PREX1: variants seen among roughly 807,000 people sequenced by gnomAD.
PREX1 encodes phosphatidylinositol 3,4,5-trisphosphate-dependent Rac exchanger 1 protein.
A neutral mutation model predicts 198.3 loss-of-function variants in PREX1; 41 were observed. The observed-to-expected ratio is 0.21, with a 90% CI of 0.16 to 0.27. The LOEUF (loss-of-function observed/expected upper bound fraction) is 0.27, where lower values mean the gene tolerates loss of function less well. Ranked by LOEUF, PREX1 falls within the 10% of genes least tolerant of loss-of-function variation. The pLI is 1.00. For missense variants in PREX1, 1,620 were observed against 2,200.7 expected (o/e 0.74, Z 5.28); for synonymous variants, 843 against 887.2 (o/e 0.95, Z 0.89).
intron 6 of PREX1, among the ~76,000 whole-genome samples, chr20:48,703,177 CT>C (rs2089884336): frequency 6.6e-6 from 1 of 152,216 alleles, no homozygotes; most frequent in Non-Finnish European, 1.5e-5. Flanking sequence ...TCTCTCGCTG[CT>C]GTTAGGGCTG....
At chr20:48,828,000 G>A (rs2090518190), upstream of PREX1, 1 of 192,218 alleles carries the variant, frequency 5.2e-6, no homozygotes, top group Non-Finnish European at 9.3e-6. This position sits in a 1 kb window ranked among gnomAD's most constrained non-coding sequence, Gnocchi z 4.1. Context: ...GGGCGGGACT[G>A]GGGGCCGGGC....
chr20:48,858,901 A>ATTATT, the PREX1 span, among the ~76,000 whole-genome samples: 1 of 151,650 alleles, frequency 6.6e-6, no homozygotes, highest in Non-Finnish European at 1.5e-5. Context: ...ATTTTATTTT[A>ATTATT]TTATTTTATT....
chr20:48,865,635 C>T, the PREX1 span, among the ~76,000 whole-genome samples: 1 of 152,184 alleles, frequency 6.6e-6, no homozygotes, highest in Non-Finnish European at 1.5e-5. Flanking sequence ...CCTGGCATCC[C>T]AGTATTGGCC....
the PREX1 span, among the ~76,000 whole-genome samples, chr20:48,875,640 T>C: frequency 3.3e-5 from 5 of 152,252 alleles, no homozygotes; most frequent in Admixed American, 6.5e-5. Context: ...CTCAAAAGCG[T>C]GTTTCAAATA....
chr20:48,753,404 C>G (rs2090142731), intron 1 of PREX1, among the ~76,000 whole-genome samples: 1 of 152,022 alleles, frequency 6.6e-6, no homozygotes, highest in Admixed American at 6.5e-5. Context: ...ATTTTACCCC[C>G]TAGAAGACAT....
chr20:48,744,433 CT>C (rs2090098445), intron 3 of PREX1, among the ~76,000 whole-genome samples: 1 of 152,176 alleles, frequency 6.6e-6, no homozygotes, highest in Non-Finnish European at 1.5e-5. Flanking sequence ...AGCTTGGGTT[CT>C]TCTGTCTGTG....
Position 48,655,306 on chromosome 20 carries a change from G to T in PREX1, c.2193C>A (p.Val731=). The T allele has an allele frequency of 6.3e-7, 1 of 1,588,660 alleles. No homozygotes were observed. Among genetic ancestry groups the T allele is most frequent in the African/African-American group, 1.3e-5 (1 of 74,318 alleles). ...CCCACTCACCTCTCCCCACAGCATA[G>T]ACGTACGGTGGGGCAGCTCCACGAA... ...FQIRGAAPPY[V]YAVGRGSEAM... is the part of the protein sequence containing the mutation. Residue 731 remains valine, a synonymous_variant, in exon 19 of 40, where the codon GTC becomes GTA. Coordinates refer to ENST00000371941, the MANE Select transcript of PREX1 (RefSeq NM_020820.4).
the PREX1 span, among the ~76,000 whole-genome samples, chr20:48,877,354 T>G: frequency 2.0e-5 from 3 of 152,100 alleles, no homozygotes; most frequent in Non-Finnish European, 4.4e-5. Flanking sequence ...ACTTCAGGCA[T>G]GGATAGATCT....
chr20:48,862,790 A>AAAATATATATATATAT, the PREX1 span, among the ~76,000 whole-genome samples: 1 of 102,538 alleles, frequency 9.8e-6, no homozygotes, highest in African/African-American at 4.4e-5. Flanking sequence ...TAAAAAAAAA[A>AAAATATATATATATAT]ATATATATAT....
chr20:48,786,615 A>G (rs1252008010), intron 1 of PREX1, among the ~76,000 whole-genome samples: 2 of 151,944 alleles, frequency 1.3e-5, no homozygotes, highest in African/African-American at 4.8e-5. Flanking sequence ...GTGGTGGTGC[A>G]CACCTGTAAT....
chr20:48,837,313 G>A, the PREX1 span, among the ~76,000 whole-genome samples: 27 of 152,296 alleles, frequency 1.8e-4, no homozygotes, highest in Middle Eastern at 6.8e-3. Context: ...CAGCAATGCT[G>A]TTACTGGGTA....
At chr20:48,724,775 G>A (rs4809720) in intron 5 of PREX1, among the ~76,000 whole-genome samples, 10,794 of 152,244 alleles carry the variant, frequency 0.071, 452 homozygotes, top group Middle Eastern at 0.14. Flanking sequence ...ATCCAAGTTC[G>A]AAAGACACAT....
At chr20:48,683,302 C>T (rs1385625990) in intron 10 of PREX1, among the ~76,000 whole-genome samples, 2 of 152,200 alleles carry the variant, frequency 1.3e-5, no homozygotes. Context: ...CAGAAGAAGA[C>T]GGCCCAGAGG....
At chr20:48,635,411 T>C (rs2089354577) in intron 32 of PREX1, among the ~76,000 whole-genome samples, 1 of 152,188 alleles carries the variant, frequency 6.6e-6, no homozygotes, top group Non-Finnish European at 1.5e-5. Flanking sequence ...ACCCAAATTA[T>C]ATCACTCACC....
rs138370359 is a variant in PREX1 at position 48,780,601 on chromosome 20, G to C, written c.220-32721C>G. On this transcript the variant is annotated intron_variant, in intron 1 of 39. Transcript: ENST00000371941. ...CAACTTGAACAACAAAATAAATAAT[G>C]ACAATACTGGTTTATGATAATATAA... Among the ~76,000 whole-genome samples the C allele has an allele frequency of 8.7e-4, 133 of 152,220 alleles. 1 individual carries two copies. The highest frequency in any genetic ancestry group is 3.0e-3 in the African/African-American group (126 of 41,534).
Position 48,653,500 on chromosome 20 carries a change from A to C in PREX1, c.2210-3T>G. 6.2e-7 allele frequency: 1 copy of C among 1,607,286 alleles called. No individual in the cohort carries two copies. The highest frequency in any genetic ancestry group is 8.5e-7 in the Non-Finnish European group (1 of 1,175,784). On this transcript the variant is annotated splice_polypyrimidine_tract_variant and splice_region_variant and intron_variant, in intron 19 of 39. Transcript: ENST00000371941. ...CCCTGCAGCCATGGCCTCAGAGCCT[A>C]AGGGGAACAGGAGCACATGAGGCTG... is the stretch of plus-strand genomic sequence containing the variant.
At chr20:48,716,318 T>C (rs1375518426) in intron 5 of PREX1, among the ~76,000 whole-genome samples, 1 of 152,148 alleles carries the variant, frequency 6.6e-6, no homozygotes, top group Non-Finnish European at 1.5e-5. Flanking sequence ...TGCAATCACA[T>C]TTACTCAAAG....
At chr20:48,646,191 A>G (rs756065482) in intron 25 of PREX1, 134 bp from the exon 26 acceptor site, 20 of 838,534 alleles carry the variant, frequency 2.4e-5, no homozygotes, top group Admixed American at 4.5e-5. Context: ...AAGTTCTTTC[A>G]CGGCCAAGCT....
At chr20:48,661,204 A>G (rs1243722538) in intron 15 of PREX1, among the ~76,000 whole-genome samples, 1 of 151,716 alleles carries the variant, frequency 6.6e-6, no homozygotes, top group Non-Finnish European at 1.5e-5. Context: ...AGATTACCCA[A>G]GGTGGGGAGT....
Sources: allele counts gnomAD v4.1 joint callset (sites outside exome capture counted in the v4.1 genomes callset), GRCh38; gene constraint gnomAD v4.1.1; non-coding constraint Gnocchi (gnomAD v3.1); transcripts MANE v1.5; gene names NCBI Gene and HGNC (gene_info 2026-07-23, HGNC 2026-07-21).